TCF7L1: variants seen among roughly 807,000 people sequenced by gnomAD.
The protein encoded by TCF7L1 is transcription factor 7 like 1.
Under a neutral mutation model 63.7 loss-of-function variants are expected in TCF7L1, and 18 were observed. The ratio of observed to expected loss-of-function variants is 0.28; its 90% CI spans 0.20 to 0.42. The LOEUF (loss-of-function observed/expected upper bound fraction) is 0.42. Ranked by LOEUF, TCF7L1 falls within the 10% of genes least tolerant of loss-of-function variation. The pLI, the probability that TCF7L1 is intolerant of heterozygous loss-of-function variation, is 1.00. For missense variants in TCF7L1, 654 were observed against 779.3 expected (o/e 0.84, Z 1.91); for synonymous variants, 355 against 340.9 (o/e 1.04, Z -0.46).
At position 85,134,263 on chromosome 2, in the gene TCF7L1, T is replaced by G; in HGVS notation, c.314-60T>G. On this transcript the variant is annotated intron_variant, in intron 2 of 11. Transcript: ENST00000282111. This position sits in a 1 kb window ranked among gnomAD's most constrained non-coding sequence, Gnocchi z 5.0. The stretch of plus-strand genomic sequence containing the variant: ...TCCCCAGCTCCCGCCTCGAGCCCCC[T>G]GCCGCGGCGCTGTCAGTCCCGGGGG... 6.6e-7 allele frequency: 1 copy of G among 1,504,026 alleles called. No individual in the cohort carries two copies. Among genetic ancestry groups the G allele is most frequent in the East Asian group, 2.5e-5 (1 of 40,318 alleles). 93.2% of individuals were successfully genotyped at this position (1,504,026 alleles called of 1,614,324 possible).
intron 3 of TCF7L1, among the ~76,000 whole-genome samples, chr2:85,270,339 C>T (rs1250606518): frequency 4.6e-5 from 7 of 152,184 alleles, no homozygotes; most frequent in Admixed American, 4.6e-4. Flanking sequence ...TTTTTGCCAT[C>T]TAGTCACATT....
At chr2:85,257,300 A>T (rs926126508) in intron 3 of TCF7L1, among the ~76,000 whole-genome samples, 4 of 152,120 alleles carry the variant, frequency 2.6e-5, no homozygotes, top group African/African-American at 4.8e-5. Flanking sequence ...AAATTAATTT[A>T]AAAAAAGAAA....
rs1448424401 is a variant in TCF7L1, at chr2:85,309,386, C to T, written c.1691C>T (p.Ala564Val). 1 of 1,600,556 alleles carries T rather than the reference C, an allele frequency of 6.2e-7. No homozygotes were observed. The highest frequency in any genetic ancestry group is 1.7e-5 in the Admixed American group (1 of 59,188). The part of the protein sequence containing the change: ...ALLASPPSFP[A>V]TLHAHQALPV... Reference sequence around the variant, plus strand: ...CTGGCCTCTCCCCCGTCCTTCCCCGCCACGCTCCATGCCCACCAGGCCCTC... The same window carrying T: ...CTGGCCTCTCCCCCGTCCTTCCCCGTCACGCTCCATGCCCACCAGGCCCTC... Residue 564 changes from alanine (A) to valine (V), a missense_variant, in exon 12 of 12, where the codon GCC becomes GTC. Coordinates refer to ENST00000282111, the MANE Select transcript of TCF7L1 (RefSeq NM_031283.3).
chr2:85,241,456 T>G (rs1319017336), intron 3 of TCF7L1, among the ~76,000 whole-genome samples: 1 of 138,924 alleles, frequency 7.2e-6, no homozygotes, highest in Admixed American at 7.3e-5. Flanking sequence ...TTTTTTTTTT[T>G]TTTTTTTTTG....
At chr2:85,204,569 C>T (rs957844485) in intron 3 of TCF7L1, among the ~76,000 whole-genome samples, 5 of 151,970 alleles carry the variant, frequency 3.3e-5, no homozygotes, top group African/African-American at 9.7e-5. Flanking sequence ...TTTGTAGAGG[C>T]GGGGTCTTAC....
rs1677539454 is a variant in TCF7L1, at chr2:85,134,382, C to T, written c.373C>T (p.Leu125=). The change falls in exon 3 of 12, where the codon CTG becomes TTG. Residue 125 remains leucine, a synonymous_variant. Coordinates refer to ENST00000282111, the MANE Select transcript of TCF7L1 (RefSeq NM_031283.3). The surrounding 1 kb of genome is among the most constrained non-coding windows in gnomAD (Gnocchi z 5.0). ...KGPPYPGYPF[L]MIPDLSSPYL... ...ACCCCCGTACCCTGGGTACCCCTTC[C>T]TGATGATCCCGGACCTGAGCAGCCC... 6.3e-7 allele frequency: 1 copy of T among 1,576,174 alleles called. No individual in the cohort carries two copies. Among genetic ancestry groups the T allele is most frequent in the South Asian group, 1.2e-5 (1 of 86,196 alleles).
At chr2:85,305,875 G>A (rs966215262) in intron 8 of TCF7L1, among the ~76,000 whole-genome samples, 5 of 152,230 alleles carry the variant, frequency 3.3e-5, no homozygotes, top group Admixed American at 3.3e-4. Flanking sequence ...ACTTGGTTCT[G>A]CCCAGAGTGC....
intron 3 of TCF7L1, among the ~76,000 whole-genome samples, chr2:85,256,293 G>T (rs572452556): frequency 6.6e-6 from 1 of 151,568 alleles, no homozygotes; most frequent in Non-Finnish European, 1.5e-5. Flanking sequence ...GCTTAGAAGC[G>T]TCCGAGTCAG....
chr2:85,283,664 A>T, intron 4 of TCF7L1, 86 bp downstream of exon 4: 2 of 1,394,024 alleles, frequency 1.4e-6, no homozygotes, highest in South Asian at 2.3e-5. Flanking sequence ...ACGCTGAAGC[A>T]GATGGGGTCC....
chr2:85,234,733 C>T (rs72840180), intron 3 of TCF7L1, among the ~76,000 whole-genome samples: 6,343 of 152,138 alleles, frequency 0.042, 147 homozygotes, highest in African/African-American at 0.05. Flanking sequence ...AAGATGAAGA[C>T]GCTAAAGGTG....
intron 3 of TCF7L1, among the ~76,000 whole-genome samples, chr2:85,189,131 C>G (rs1010646223): frequency 2.6e-5 from 4 of 152,066 alleles, no homozygotes; most frequent in African/African-American, 9.7e-5. Context: ...CCCTTCCCCC[C>G]GAAGCAATTA....
intron 7 of TCF7L1, 167 bp downstream of exon 7, chr2:85,304,505 G>A: frequency 1.6e-6 from 1 of 643,756 alleles, no homozygotes; most frequent in Non-Finnish European, 2.6e-6. Context: ...CCACCCCCAG[G>A]TCAGAATGGA....
At chr2:85,136,202 A>T (rs531885332) in intron 3 of TCF7L1, among the ~76,000 whole-genome samples, 2 of 152,132 alleles carry the variant, frequency 1.3e-5, no homozygotes, top group Non-Finnish European at 2.9e-5. Context: ...TTCACCATCA[A>T]ATATGACTAT....
chr2:85,221,569 G>A (rs1041083355), intron 3 of TCF7L1, among the ~76,000 whole-genome samples: 1 of 152,132 alleles, frequency 6.6e-6, no homozygotes, highest in Admixed American at 6.5e-5. Context: ...AAGAGAGTAC[G>A]CCTGTGTGTG....
intron 3 of TCF7L1, among the ~76,000 whole-genome samples, chr2:85,242,980 C>G (rs1680372190): frequency 1.3e-5 from 2 of 152,118 alleles, no homozygotes; most frequent in African/African-American, 4.8e-5. Context: ...TCTTAAAGAT[C>G]TCGACGCACC....
At position 85,242,363 on chromosome 2, in the gene TCF7L1, G is replaced by T. The variant is rs371546370; in HGVS notation, c.442-41132G>T. On this transcript the variant is annotated intron_variant, in intron 3 of 11. Coordinates refer to ENST00000282111, the MANE Select transcript of TCF7L1 (RefSeq NM_031283.3). ...ACTTTTCCATTTGTGAACATGTCGC[G>T]CTTAAGAATTACCTCCCTTCTTTCT... 5.3e-5 allele frequency among the ~76,000 whole-genome samples: 8 copies of T among 152,254 alleles called. No individual in the cohort carries two copies. In the South Asian group the frequency reaches 1.0e-3, roughly 20 times the overall value.
At chr2:85,244,932 G>A (rs6758805) in intron 3 of TCF7L1, among the ~76,000 whole-genome samples, 17,462 of 152,094 alleles carry the variant, frequency 0.11, 1,496 homozygotes, top group African/African-American at 0.24. Context: ...GGTGGGCGCC[G>A]CATTCCTGCA....
At chr2:85,194,386 G>A (rs534397367) in intron 3 of TCF7L1, among the ~76,000 whole-genome samples, 31 of 152,206 alleles carry the variant, frequency 2.0e-4, no homozygotes, top group Admixed American at 5.9e-4. Flanking sequence ...AAAATTAGCC[G>A]GGTGTGGTGG....
chr2:85,194,258 T>C (rs1250503085), intron 3 of TCF7L1, among the ~76,000 whole-genome samples: 3 of 152,116 alleles, frequency 2.0e-5, no homozygotes, highest in African/African-American at 7.2e-5. Flanking sequence ...TCAGGAGTGG[T>C]GGCTCACACC....
Sources: gnomAD v4.1 joint callset for allele counts (sites outside exome capture counted in the v4.1 genomes callset) on GRCh38, gnomAD v4.1.1 for gene constraint, Gnocchi (gnomAD v3.1) non-coding constraint, MANE v1.5 for transcripts, NCBI Gene and HGNC (gene_info 2026-07-23, HGNC 2026-07-21) for gene names.